The following SIPA1L1 variants were observed in gnomAD, a reference collection of about 807,000 sequenced individuals.
The protein encoded by SIPA1L1 is signal induced proliferation associated 1 like 1.
In SIPA1L1, 26 loss-of-function variants were observed where a neutral mutation model predicts 162.7. The ratio of observed to expected loss-of-function variants is 0.16; its 90% CI spans 0.12 to 0.22. The LOEUF (loss-of-function observed/expected upper bound fraction) is 0.22. Among genes scored for constraint, SIPA1L1 ranks in the 10% least tolerant of loss-of-function variants. SIPA1L1 has a pLI of 1.00. For missense variants in SIPA1L1, 1,874 were observed against 2,241.0 expected (o/e 0.84, Z 3.31); for synonymous variants, 829 against 837.4 (o/e 0.99, Z 0.17).
At chr14:71,735,846 G>T (rs1279064862) in intron 22 of SIPA1L1, among the ~76,000 whole-genome samples, 1 of 152,222 alleles carries the variant, frequency 6.6e-6, no homozygotes, top group Non-Finnish European at 1.5e-5. Context: ...CACCAGGATG[G>T]TTAAGATGGT....
chr14:71,741,068 T>C lies in SIPA1L1; in HGVS notation c.*1907T>C, dbSNP rs1273658391. On this transcript the variant is annotated 3_prime_UTR_variant, in exon 24 of 24. Transcript: ENST00000381232. ...AACACTTTGGTATTATTGCTTGAGGTTTGCTTATTTGAAAGACCACCCAAT... is the reference window on the plus strand; with the variant it reads ...AACACTTTGGTATTATTGCTTGAGGCTTGCTTATTTGAAAGACCACCCAAT... 1 of 152,190 alleles carries C rather than the reference T, an allele frequency of 6.6e-6. No homozygotes were observed. Among genetic ancestry groups the C allele is most frequent in the Non-Finnish European group, 1.5e-5 (1 of 68,030 alleles). 9.4% of individuals were successfully genotyped at this position (152,190 alleles called of 1,614,324 possible).
chr14:71,517,985 G>A (rs1307756535), intron 3 of SIPA1L1, among the ~76,000 whole-genome samples: 1 of 151,994 alleles, frequency 6.6e-6, no homozygotes, highest in East Asian at 1.9e-4. Flanking sequence ...CATAGAATGA[G>A]GCGAGCTGCA....
At chr14:71,351,620 T>C (rs1348827968) in intron 2 of SIPA1L1, among the ~76,000 whole-genome samples, 1 of 36,566 alleles carries the variant, frequency 2.7e-5, no homozygotes, top group Non-Finnish European at 6.5e-5. Context: ...GGTTTATTAT[T>C]ACCATAAACT....
chr14:71,734,238 T>A (rs527659243), intron 21 of SIPA1L1, among the ~76,000 whole-genome samples: 1 of 152,246 alleles, frequency 6.6e-6, no homozygotes, highest in Non-Finnish European at 1.5e-5. Context: ...CTCCCTCATC[T>A]CCGTGCGCGG....
intron 7 of SIPA1L1, among the ~76,000 whole-genome samples, chr14:71,637,296 A>G (rs943835416): frequency 3.4e-4 from 51 of 152,134 alleles, no homozygotes; most frequent in Non-Finnish European, 5.0e-4. Context: ...GTGCTCTAAA[A>G]ATAGGAGAGT....
At chr14:71,326,210 T>TC (rs1400510285) in intron 2 of SIPA1L1, among the ~76,000 whole-genome samples, 1 of 151,732 alleles carries the variant, frequency 6.6e-6, no homozygotes, top group Non-Finnish European at 1.5e-5. Context: ...GCGACTTGCT[T>TC]CTTTTTTTTT....
chr14:71,437,560 C>T (rs1042768028), intron 2 of SIPA1L1, among the ~76,000 whole-genome samples: 1 of 152,058 alleles, frequency 6.6e-6, no homozygotes, highest in African/African-American at 2.4e-5. Flanking sequence ...GGTAGTTTCA[C>T]CATGTTGGCC....
At chr14:71,621,524 T>G (rs2039447028) in intron 6 of SIPA1L1, among the ~76,000 whole-genome samples, 1 of 152,218 alleles carries the variant, frequency 6.6e-6, no homozygotes. Flanking sequence ...CATTTGGCCT[T>G]TACTCAGAAA....
intron 5 of SIPA1L1, among the ~76,000 whole-genome samples, chr14:71,596,597 A>T (rs2036059646): frequency 6.6e-6 from 1 of 152,204 alleles, no homozygotes; most frequent in African/African-American, 2.4e-5. Flanking sequence ...AGTCATTCAA[A>T]TAATATTTAG....
At chr14:71,417,142 T>C (rs2042827961) in intron 2 of SIPA1L1, among the ~76,000 whole-genome samples, 1 of 152,064 alleles carries the variant, frequency 6.6e-6, no homozygotes, top group East Asian at 1.9e-4. Context: ...TTGAATAACA[T>C]GCATTTTGTA....
chr14:71,664,912 A>T (rs2043860594), intron 10 of SIPA1L1, among the ~76,000 whole-genome samples: 1 of 152,166 alleles, frequency 6.6e-6, no homozygotes, highest in South Asian at 2.1e-4. Flanking sequence ...GCTGGATGGA[A>T]TTCAATGGGA....
At chr14:71,488,413 A>G (rs539963615) in intron 2 of SIPA1L1, among the ~76,000 whole-genome samples, 1 of 152,216 alleles carries the variant, frequency 6.6e-6, no homozygotes, top group East Asian at 1.9e-4. Context: ...AAATGTGGAT[A>G]TTAAAATGGA....
At chr14:71,343,720 C>A (rs1483045814) in intron 2 of SIPA1L1, among the ~76,000 whole-genome samples, 1 of 152,088 alleles carries the variant, frequency 6.6e-6, no homozygotes, top group African/African-American at 2.4e-5. Flanking sequence ...AAAAAAGGCC[C>A]CCAGAAATGT....
chr14:71,582,212 G>T (rs931015620), intron 4 of SIPA1L1, among the ~76,000 whole-genome samples: 1 of 152,100 alleles, frequency 6.6e-6, no homozygotes, highest in Non-Finnish European at 1.5e-5. Flanking sequence ...AGGCATGCTT[G>T]TAGTCCTAGC....
intron 8 of SIPA1L1, among the ~76,000 whole-genome samples, chr14:71,654,351 A>G (rs1027008869): frequency 6.6e-6 from 1 of 152,194 alleles, no homozygotes; most frequent in Admixed American, 6.5e-5. Flanking sequence ...TACAATAAAT[A>G]CAATAAACTT....
intron 2 of SIPA1L1, among the ~76,000 whole-genome samples, chr14:71,460,609 G>C (rs1023150884): frequency 6.6e-6 from 1 of 152,102 alleles, no homozygotes; most frequent in Non-Finnish European, 1.5e-5. Context: ...AATCATCGTT[G>C]TGTCTCCTGG....
rs145950250 is a variant in SIPA1L1, at chr14:71,465,177, A to G, written c.-464-47566A>G. On this transcript the variant is annotated intron_variant, in intron 2 of 23. Coordinates refer to ENST00000381232, the MANE Select transcript of SIPA1L1 (RefSeq NM_001386936.1). ...AGTTGCAGGGTCCCATTCTTTTCCA[A>G]TCAGTGCCCTGACTGTAATGGTAGA... Among the ~76,000 whole-genome samples the G allele has an allele frequency of 1.4e-3, 216 of 152,306 alleles. 1 individual carries two copies. Among genetic ancestry groups the G allele is most frequent in the African/African-American group, 4.8e-3 (199 of 41,552 alleles).
intron 2 of SIPA1L1, among the ~76,000 whole-genome samples, chr14:71,393,855 G>C (rs2040967107): frequency 6.6e-6 from 1 of 152,178 alleles, no homozygotes; most frequent in South Asian, 2.1e-4. Context: ...CGTAGTTCAG[G>C]TAACACCAGT....
Position 71,588,979 on chromosome 14 carries a change from A to C in SIPA1L1, c.1107A>C (p.Ala369=). 1.9e-6 allele frequency: 3 copies of C among 1,614,130 alleles called. No homozygotes were observed. The highest frequency in any genetic ancestry group is 2.5e-6 in the Non-Finnish European group (3 of 1,179,988). Reference sequence around the variant, plus strand: ...CTGGAGCTTCCGCAGCTGCCGTGGCATCCTTGGTCTCTGGACCTCTGTCTC... The same window carrying C: ...CTGGAGCTTCCGCAGCTGCCGTGGCCTCCTTGGTCTCTGGACCTCTGTCTC... ...TTTGASAAAV[A]SLVSGPLSHS... The change falls in exon 5 of 24, where the codon GCA becomes GCC. Residue 369 remains alanine, a synonymous_variant. Coordinates refer to ENST00000381232, the MANE Select transcript of SIPA1L1 (RefSeq NM_001386936.1). The surrounding 1 kb of genome is among the most constrained non-coding windows in gnomAD (Gnocchi z 4.3).
Sources: gnomAD v4.1 joint callset for allele counts (sites outside exome capture counted in the v4.1 genomes callset) on GRCh38, gnomAD v4.1.1 for gene constraint, Gnocchi (gnomAD v3.1) non-coding constraint, MANE v1.5 for transcripts, NCBI Gene and HGNC (gene_info 2026-07-23, HGNC 2026-07-21) for gene names.